Variants in FOXO3 observed in about 807,000 individuals in gnomAD.
The protein encoded by FOXO3 is forkhead box O3.
A neutral mutation model predicts 41.9 loss-of-function variants in FOXO3; 4 were observed. That is an observed-to-expected ratio of 0.10 (90% confidence interval 0.05 to 0.22). The LOEUF is 0.22. FOXO3 is among the 10% of genes least tolerant of loss of function. The probability of loss-of-function intolerance (pLI) is 1.00; values close to 1 mark genes in which losing one functional copy is unlikely to be tolerated. For synonymous variants in FOXO3, 318 were observed against 389.3 expected (o/e 0.82, Z 2.16); for missense variants, 534 against 906.8 (o/e 0.59, Z 5.28).
intron 1 of FOXO3, among the ~76,000 whole-genome samples, chr6:108,566,939 A>G (rs1307904613): frequency 2.0e-5 from 3 of 152,202 alleles, no homozygotes; most frequent in Non-Finnish European, 4.4e-5. Context: ...ATCACATCCC[A>G]TTTCATGTAT....
At chr6:108,642,229 T>C (rs1778280558) in intron 1 of FOXO3, among the ~76,000 whole-genome samples, 1 of 151,938 alleles carries the variant, frequency 6.6e-6, no homozygotes, top group Non-Finnish European at 1.5e-5. Flanking sequence ...GCTGGGACTA[T>C]AGGCACGCAT....
chr6:108,619,163 A>G lies in FOXO3; in HGVS notation c.622-44292A>G, dbSNP rs542245602. Among the ~76,000 whole-genome samples the G allele has an allele frequency of 2.6e-5, 4 of 152,304 alleles. No homozygotes were observed. In the South Asian group the frequency reaches 8.3e-4, roughly 32 times the overall value. ...TGCCAATGCCAAAATCTGCTACTAT[A>G]TTACTCTTTAAAGCAGAGACTGTAT... On this transcript the variant is annotated intron_variant, in intron 1 of 2. Transcript: ENST00000406360.
chr6:108,656,367 T>C, intron 1 of FOXO3: 1 of 985,314 alleles, frequency 1.0e-6, no homozygotes. Context: ...CTCCACAAGG[T>C]AAACATGGTT....
intron 1 of FOXO3, among the ~76,000 whole-genome samples, chr6:108,662,349 T>C (rs1472815921): frequency 6.6e-6 from 1 of 152,222 alleles, no homozygotes; most frequent in Admixed American, 6.5e-5. Flanking sequence ...AAATAGTGTT[T>C]GTCAGTTTCT....
At chr6:108,669,732 G>T (rs1391865782) in intron 2 of FOXO3, among the ~76,000 whole-genome samples, 3 of 152,150 alleles carry the variant, frequency 2.0e-5, no homozygotes, top group Non-Finnish European at 2.9e-5. Flanking sequence ...TACATACGCT[G>T]TTTTTTCCTG....
At chr6:108,646,647 T>C (rs1778399238) in intron 1 of FOXO3, among the ~76,000 whole-genome samples, 3 of 152,250 alleles carry the variant, frequency 2.0e-5, no homozygotes, top group Non-Finnish European at 2.9e-5. Context: ...TTAAGTTTGA[T>C]AGTTTATTCC....
intron 1 of FOXO3, among the ~76,000 whole-genome samples, chr6:108,616,156 GTTTTT>G (rs35632295): frequency 1.0e-3 from 56 of 55,132 alleles, no homozygotes; most frequent in Non-Finnish European, 1.6e-3. Flanking sequence ...CCCAACTAAG[GTTTTT>G]TTTTTTTTTT....
intron 1 of FOXO3, among the ~76,000 whole-genome samples, chr6:108,570,400 A>G (rs1358488626): frequency 2.0e-5 from 3 of 152,012 alleles, no homozygotes; most frequent in African/African-American, 7.3e-5. Flanking sequence ...CACAGCTTCA[A>G]ACTCCTGGCT....
chr6:108,609,164 ATGGTT>A (rs1777288524), intron 1 of FOXO3, among the ~76,000 whole-genome samples: 1 of 152,254 alleles, frequency 6.6e-6, no homozygotes, highest in Non-Finnish European at 1.5e-5. Flanking sequence ...CAGTAAAGCT[ATGGTT>A]TATAACTGGT....
intron 1 of FOXO3, among the ~76,000 whole-genome samples, chr6:108,596,040 T>A (rs1776874671): frequency 6.6e-6 from 1 of 152,098 alleles, no homozygotes; most frequent in Non-Finnish European, 1.5e-5. Context: ...TCCATTCATA[T>A]TTTTTTCTTC....
intron 2 of FOXO3, among the ~76,000 whole-genome samples, chr6:108,673,737 CTATCATTCA>C (rs1770458204): frequency 6.6e-6 from 1 of 152,136 alleles, no homozygotes; most frequent in Non-Finnish European, 1.5e-5. Context: ...CTGCACACTC[CTATCATTCA>C]TCCCTGCCCC....
At chr6:108,646,857 A>T (rs921283057) in intron 1 of FOXO3, among the ~76,000 whole-genome samples, 2 of 152,204 alleles carry the variant, frequency 1.3e-5, no homozygotes, top group African/African-American at 4.8e-5. Flanking sequence ...AAATGTGTTG[A>T]GTCTTCCACA....
At chr6:108,586,686 G>A (rs1776586796) in intron 1 of FOXO3, among the ~76,000 whole-genome samples, 1 of 152,006 alleles carries the variant, frequency 6.6e-6, no homozygotes, top group Non-Finnish European at 1.5e-5. Flanking sequence ...AAAAACCCTG[G>A]CATAAGAAAT....
At chr6:108,576,398 G>T (rs1355513896) in intron 1 of FOXO3, among the ~76,000 whole-genome samples, 1 of 152,182 alleles carries the variant, frequency 6.6e-6, no homozygotes, top group African/African-American at 2.4e-5. Context: ...GGCTTATTGG[G>T]AAGAGAAGTT....
At chr6:108,584,665 A>G (rs889345575) in intron 1 of FOXO3, among the ~76,000 whole-genome samples, 8 of 152,172 alleles carry the variant, frequency 5.3e-5, no homozygotes, top group Admixed American at 6.5e-5. Flanking sequence ...TGATGATTTC[A>G]CCTAGAATCT....
At chr6:108,660,820 C>T (rs1019244202) in intron 1 of FOXO3, among the ~76,000 whole-genome samples, 6 of 152,162 alleles carry the variant, frequency 3.9e-5, no homozygotes, top group African/African-American at 1.4e-4. Flanking sequence ...TCCTGGCTAA[C>T]ACGATGTAGA....
intron 1 of FOXO3, among the ~76,000 whole-genome samples, chr6:108,595,768 G>T (rs1246582609): frequency 6.6e-6 from 1 of 152,018 alleles, no homozygotes; most frequent in Non-Finnish European, 1.5e-5. Flanking sequence ...GAGTTTTTTT[G>T]CACACAACAT....
chr6:108,666,304 A>G (rs1779056951), intron 2 of FOXO3, among the ~76,000 whole-genome samples: 1 of 152,106 alleles, frequency 6.6e-6, no homozygotes, highest in South Asian at 2.1e-4. Context: ...GCCCAAGGTT[A>G]CAGAGCTAGG....
chr6:108,587,302 C>T (rs1776608164), intron 1 of FOXO3, among the ~76,000 whole-genome samples: 1 of 152,064 alleles, frequency 6.6e-6, no homozygotes, highest in South Asian at 2.1e-4. Context: ...CTCACAAGAG[C>T]TCAGGGCTGG....
Sources: allele counts gnomAD v4.1 joint callset (sites outside exome capture counted in the v4.1 genomes callset), GRCh38; gene constraint gnomAD v4.1.1; transcripts MANE v1.5; gene names NCBI Gene and HGNC (gene_info 2026-07-23, HGNC 2026-07-21).